The following GOLIM4 variants were observed in gnomAD, a reference collection of about 807,000 sequenced individuals.
The protein encoded by GOLIM4 is golgi integral membrane protein 4, also known as 130 kDa golgi-localized phosphoprotein.
Under a neutral mutation model 107.4 loss-of-function variants are expected in GOLIM4, and 71 were observed. The observed-to-expected ratio is 0.66, with a 90% CI of 0.55 to 0.81. The LOEUF (loss-of-function observed/expected upper bound fraction) is 0.81. Among genes scored for constraint, GOLIM4 ranks in the 30% least tolerant of loss-of-function variants. The pLI is 0.00. For missense variants in GOLIM4, 830 were observed against 826.1 expected, an observed-to-expected ratio of 1.00 and a Z score of -0.06; for synonymous variants, 327 against 294.8, an observed-to-expected ratio of 1.11 and a Z score of -1.12.
intron 1 of GOLIM4, among the ~76,000 whole-genome samples, chr3:168,072,521 A>G (rs910886976): frequency 2.6e-5 from 4 of 152,218 alleles, no homozygotes; most frequent in South Asian, 2.1e-4. Context: ...CAGAAAACTT[A>G]AGTAAAATAA....
intron 8 of GOLIM4, 32 bp from the exon 9 acceptor site, chr3:168,032,884 CT>C: frequency 6.8e-7 from 1 of 1,479,570 alleles, no homozygotes; most frequent in South Asian, 1.2e-5. Context: ...GAATGACACT[CT>C]TCCAATTTCA....
intron 1 of GOLIM4, among the ~76,000 whole-genome samples, chr3:168,065,641 T>C (rs1363292502): frequency 6.6e-6 from 1 of 152,216 alleles, no homozygotes; most frequent in Non-Finnish European, 1.5e-5. Flanking sequence ...TGTATATGAC[T>C]TTCCATTCAC....
intron 1 of GOLIM4, among the ~76,000 whole-genome samples, chr3:168,088,967 C>T (rs771986912): frequency 6.6e-6 from 1 of 152,196 alleles, no homozygotes; most frequent in Non-Finnish European, 1.5e-5. Flanking sequence ...CAATTATTTA[C>T]CTGGACACCA....
chr3:168,013,362 C>T (rs1199747833), intron 14 of GOLIM4, among the ~76,000 whole-genome samples: 2 of 151,904 alleles, frequency 1.3e-5, no homozygotes, highest in Non-Finnish European at 2.9e-5. Flanking sequence ...TATATGCACC[C>T]AATACAGGAG....
chr3:168,026,858 T>G (rs1718020671), intron 12 of GOLIM4, among the ~76,000 whole-genome samples: 1 of 152,220 alleles, frequency 6.6e-6, no homozygotes, highest in South Asian at 2.1e-4. Flanking sequence ...GCAAAAGGGC[T>G]TTAAGTAGCT....
intron 5 of GOLIM4, among the ~76,000 whole-genome samples, chr3:168,042,774 T>C (rs925731418): frequency 6.6e-6 from 1 of 152,232 alleles, no homozygotes; most frequent in African/African-American, 2.4e-5. Context: ...CTACATGCTT[T>C]ATGTAAATTA....
At chr3:168,070,635 C>A (rs1720787283) in intron 1 of GOLIM4, among the ~76,000 whole-genome samples, 1 of 152,080 alleles carries the variant, frequency 6.6e-6, no homozygotes. Context: ...TCCAATAATA[C>A]AATTAATCAA....
chr3:168,011,229 G>A (rs983592049), intron 14 of GOLIM4, among the ~76,000 whole-genome samples: 32 of 150,736 alleles, frequency 2.1e-4, no homozygotes, highest in South Asian at 2.1e-4. Flanking sequence ...TGTCTCACTT[G>A]GGAAGCTCAA....
chr3:168,094,007 C>T (rs1348109072), intron 1 of GOLIM4, among the ~76,000 whole-genome samples: 2 of 152,180 alleles, frequency 1.3e-5, no homozygotes, highest in African/African-American at 4.8e-5. Flanking sequence ...GCTATATTTG[C>T]ATCATCAGCA....
chr3:168,013,785 G>A (rs1717200729), intron 14 of GOLIM4, among the ~76,000 whole-genome samples: 1 of 150,702 alleles, frequency 6.6e-6, no homozygotes, highest in Non-Finnish European at 1.5e-5. Flanking sequence ...GCTCCTGAAT[G>A]ACTACTGGGT....
chr3:168,038,088 G>A (rs1034170345), intron 7 of GOLIM4, among the ~76,000 whole-genome samples: 17 of 152,306 alleles, frequency 1.1e-4, no homozygotes, highest in African/African-American at 3.8e-4. Context: ...TCTTTCTAGT[G>A]TACACTAGGG....
chr3:168,090,171 G>A (rs913517166), intron 1 of GOLIM4, among the ~76,000 whole-genome samples: 12 of 152,210 alleles, frequency 7.9e-5, no homozygotes, highest in Middle Eastern at 6.8e-3. Flanking sequence ...CTGAGTGTTA[G>A]AGGAGCCCAA....
chr3:168,034,437 T>C (rs1477004611), intron 8 of GOLIM4, among the ~76,000 whole-genome samples: 1 of 152,206 alleles, frequency 6.6e-6, no homozygotes, highest in East Asian at 1.9e-4. Flanking sequence ...CTTTAGTTAT[T>C]AACATAAGAG....
intron 14 of GOLIM4, among the ~76,000 whole-genome samples, chr3:168,012,390 G>A (rs1577497100): frequency 6.8e-6 from 1 of 146,828 alleles, no homozygotes; most frequent in South Asian, 2.1e-4. Flanking sequence ...GGGACTATGT[G>A]AAAAGACCAA....
At position 168,032,552 on chromosome 3, in the gene GOLIM4, C is replaced by A. The variant is rs1017747334; in HGVS notation, c.1144G>T (p.Ala382Ser). ...WKEQHEQREA[A>S]NLLEGHARAE... ...CGCGCGTGCCCTTCCAGGAGGTTGGCTGCTTCTCGTTGCTCATGCTGCTCT... is the reference window on the plus strand; with the variant it reads ...CGCGCGTGCCCTTCCAGGAGGTTGGATGCTTCTCGTTGCTCATGCTGCTCT... Residue 382 changes from alanine (A) to serine (S), a missense_variant, in exon 9 of 16, where the codon GCC (alanine) becomes TCC (serine). Coordinates refer to ENST00000470487, the MANE Select transcript of GOLIM4 (RefSeq NM_014498.5). 2 of 1,613,986 alleles carry A rather than the reference C, an allele frequency of 1.2e-6. No homozygotes were observed. The highest frequency in any genetic ancestry group is 2.2e-5 in the East Asian group (1 of 44,892).
chr3:168,092,555 A>AT (rs764207090), intron 1 of GOLIM4, among the ~76,000 whole-genome samples: 46 of 152,172 alleles, frequency 3.0e-4, no homozygotes, highest in Middle Eastern at 3.4e-3. Context: ...AACTACTGAA[A>AT]TTTTTTCAAG....
chr3:168,039,271 T>TG (rs948275410), intron 7 of GOLIM4, among the ~76,000 whole-genome samples: 1 of 150,390 alleles, frequency 6.6e-6, no homozygotes, highest in African/African-American at 2.4e-5. Flanking sequence ...AAAATTTTTT[T>TG]TTTTTTTTTG....
intron 8 of GOLIM4, among the ~76,000 whole-genome samples, chr3:168,036,407 G>A (rs1001701225): frequency 1.3e-5 from 2 of 152,184 alleles, no homozygotes; most frequent in South Asian, 2.1e-4. Flanking sequence ...CAGGCGTGGT[G>A]GCGGGCGCCT....
At chr3:168,024,249 A>C (rs1294358297) in intron 14 of GOLIM4, among the ~76,000 whole-genome samples, 1 of 152,230 alleles carries the variant, frequency 6.6e-6, no homozygotes, top group Non-Finnish European at 1.5e-5. Context: ...CACAAATCTA[A>C]GTCCACCATT....
Sources: allele counts gnomAD v4.1 joint callset (sites outside exome capture counted in the v4.1 genomes callset), GRCh38; gene constraint gnomAD v4.1.1; transcripts MANE v1.5; gene names NCBI Gene and HGNC (gene_info 2026-07-23, HGNC 2026-07-21).